The following CFAP54 variants were observed in gnomAD, a reference collection of about 807,000 sequenced individuals.
The protein encoded by CFAP54 is cilia- and flagella-associated protein 54.
A neutral mutation model predicts 370.4 loss-of-function variants in CFAP54; 290 were observed. The observed-to-expected ratio is 0.78, with a 90% CI of 0.71 to 0.86. CFAP54 has a LOEUF of 0.86. Ranked by LOEUF, CFAP54 falls within the 40% of genes least tolerant of loss-of-function variation. CFAP54 has a pLI of 0.00. For synonymous variants in CFAP54, 1,206 were observed against 1,236.5 expected (o/e 0.98, Z 0.52); for missense variants, 3,399 against 3,528.7 (o/e 0.96, Z 0.93).
intron 26 of CFAP54, among the ~76,000 whole-genome samples, chr12:96,613,360 A>G (rs553774496): frequency 1.3e-4 from 20 of 152,332 alleles, no homozygotes; most frequent in African/African-American, 4.8e-4. Flanking sequence ...TCTGGGACAC[A>G]TTTAAGGCAG....
At chr12:96,610,581 G>C (rs1232429790) in intron 26 of CFAP54, among the ~76,000 whole-genome samples, 4 of 152,196 alleles carry the variant, frequency 2.6e-5, no homozygotes, top group Admixed American at 2.6e-4. Context: ...AGCCGAAGCA[G>C]GGTGAGGCAT....
chr12:96,586,078 A>G (rs967873165), intron 22 of CFAP54, among the ~76,000 whole-genome samples: 4 of 152,094 alleles, frequency 2.6e-5, no homozygotes, highest in Non-Finnish European at 5.9e-5. Flanking sequence ...CACTCAACAC[A>G]TTATTTGAGT....
chr12:96,771,466 C>T (rs544567113), intron 60 of CFAP54, among the ~76,000 whole-genome samples: 6 of 152,198 alleles, frequency 3.9e-5, no homozygotes, highest in Non-Finnish European at 7.3e-5. Flanking sequence ...TCCTGGCTAA[C>T]ACGGTGAAAC....
At chr12:96,679,516 T>G (rs1299269211) in intron 39 of CFAP54, 84 bp from the exon 40 acceptor site, 21 of 1,413,384 alleles carry the variant, frequency 1.5e-5, no homozygotes, top group Non-Finnish European at 2.0e-5. Flanking sequence ...GACCAAGAAA[T>G]TCTCTGAATT....
Position 96,744,051 on chromosome 12 carries a change from G to T in CFAP54, c.7589G>T (p.Arg2530Leu), listed in dbSNP as rs138643514. 98 of 1,609,882 alleles carry T rather than the reference G, an allele frequency of 6.1e-5. No individual in the cohort carries two copies. The African/African-American group carries it at 8.8e-4, about 15-fold the overall frequency. The change falls in exon 55 of 68, where the codon CGT (arginine) becomes CTT (leucine). Residue 2530 changes from arginine (R) to leucine (L), a missense_variant. Arg to Leu is a moderately radical substitution (Grantham distance 102, BLOSUM62 -2). This residue lies in a region of CFAP54 where 2,796 missense variants were observed against 2,869.7 expected (regional missense o/e 0.97). Transcript: ENST00000524981. Reference protein sequence around the residue: ...MLAFGETIEFRSSNTKYANPL... With the variant: ...MLAFGETIEFLSSNTKYANPL... ...GCTTTTGGAGAAACAATTGAATTTC[G>T]TTCATCAAACACTAAATATGCAAAT...
At chr12:96,526,575 C>T (rs11612151) in intron 8 of CFAP54, among the ~76,000 whole-genome samples, 15,254 of 152,126 alleles carry the variant, frequency 0.1, 1,249 homozygotes, top group East Asian at 0.45. Context: ...TACAAAGCAC[C>T]CCTGAGTGAT....
In CFAP54 at chr12:96,784,729, T is replaced by C; in HGVS notation, c.8294T>C (p.Val2765Ala). Residue 2765 changes from valine (V) to alanine (A), a missense_variant, in exon 61 of 68, where the codon GTC becomes GCC. Transcript: ENST00000524981. ...TTTTCACTTTCAGACAACTACCAAG[T>C]CCTCTTCCAGACTTCCTGTACATTT... ...YTDYLLDNYQ[V>A]LFQTSCTFLY... The C allele has an allele frequency of 6.6e-7, 1 of 1,521,576 alleles. No homozygotes were observed. Among genetic ancestry groups the C allele is most frequent in the Non-Finnish European group, 8.8e-7 (1 of 1,141,044 alleles). 94.3% of individuals were successfully genotyped at this position (1,521,576 alleles called of 1,614,324 possible).
intron 63 of CFAP54, among the ~76,000 whole-genome samples, chr12:96,795,816 A>G (rs757498137): frequency 6.6e-6 from 1 of 152,034 alleles, no homozygotes; most frequent in Non-Finnish European, 1.5e-5. Flanking sequence ...AGGAAACTTT[A>G]TATTTGGTTG....
intron 28 of CFAP54, among the ~76,000 whole-genome samples, chr12:96,624,831 T>C (rs1049221337): frequency 2.6e-5 from 4 of 152,222 alleles, no homozygotes; most frequent in African/African-American, 7.2e-5. Context: ...GTTTCAAGCA[T>C]GGATTTATGA....
intron 32 of CFAP54, among the ~76,000 whole-genome samples, chr12:96,641,045 G>A (rs1379474438): frequency 6.6e-6 from 1 of 152,058 alleles, no homozygotes; most frequent in African/African-American, 2.4e-5. Flanking sequence ...AACACCAAAA[G>A]CAATGGCAAG....
intron 58 of CFAP54, among the ~76,000 whole-genome samples, chr12:96,762,921 G>A (rs915045563): frequency 1.3e-5 from 2 of 152,112 alleles, no homozygotes; most frequent in Non-Finnish European, 2.9e-5. Context: ...TTTGACATCA[G>A]CATTGTACAC....
At chr12:96,850,869 C>A (rs1959522150) in intron 66 of CFAP54, among the ~76,000 whole-genome samples, 1 of 152,224 alleles carries the variant, frequency 6.6e-6, no homozygotes, top group South Asian at 2.1e-4. Flanking sequence ...CCCTCGCTAT[C>A]AGGAGAACAG....
intron 22 of CFAP54, among the ~76,000 whole-genome samples, chr12:96,584,206 G>A (rs1956055641): frequency 6.6e-6 from 1 of 152,054 alleles, no homozygotes; most frequent in South Asian, 2.1e-4. Context: ...GCTCACGCCT[G>A]TAATCCCAGC....
chr12:96,535,402 G>GC (rs1305563565), intron 11 of CFAP54, 113 bp from the exon 12 acceptor site: 36 of 666,092 alleles, frequency 5.4e-5, no homozygotes, highest in Middle Eastern at 2.7e-4. Flanking sequence ...CATGATATTT[G>GC]CCCGCCTATC....
chr12:96,856,792 C>G (rs1405113302), intron 66 of CFAP54, among the ~76,000 whole-genome samples: 1 of 151,164 alleles, frequency 6.6e-6, no homozygotes, highest in Non-Finnish European at 1.5e-5. Context: ...GTCCCAACCT[C>G]TGCCTGTTAC....
At chr12:96,688,545 C>CTA (rs1957351715) in intron 42 of CFAP54, among the ~76,000 whole-genome samples, 1 of 152,146 alleles carries the variant, frequency 6.6e-6, no homozygotes, top group South Asian at 2.1e-4. Flanking sequence ...TATGATAAAA[C>CTA]ATTAAAGTTC....
intron 66 of CFAP54, among the ~76,000 whole-genome samples, chr12:96,840,236 C>T (rs1423713619): frequency 8.5e-5 from 13 of 152,178 alleles, no homozygotes; most frequent in East Asian, 7.7e-4. Flanking sequence ...TAGACCCACA[C>T]GGTAGAGGAT....
chr12:96,644,273 A>C lies in CFAP54; in HGVS notation c.4412A>C (p.His1471Pro), dbSNP rs757022653. 4 of 1,535,764 alleles carry C rather than the reference A, an allele frequency of 2.6e-6. No individual in the cohort carries two copies. Among genetic ancestry groups the C allele is most frequent in the Non-Finnish European group, 3.5e-6 (4 of 1,146,690 alleles). ...AGTTATGTTAAAAGAAAGAGGTTCCATCGTCTATCACTTGAAGAGATGCCC... is the reference window on the plus strand; with the variant it reads ...AGTTATGTTAAAAGAAAGAGGTTCCCTCGTCTATCACTTGAAGAGATGCCC... ...ILSYVKRKRF[H>P]RLSLEEMPWR... The change falls in exon 33 of 68, where the codon CAT (histidine) becomes CCT (proline). Residue 1471 changes from histidine to proline, a missense_variant. Coordinates refer to ENST00000524981, the MANE Select transcript of CFAP54 (RefSeq NM_001306084.2).
intron 30 of CFAP54, 56 bp downstream of exon 30, chr12:96,626,995 T>G (rs1956556030): frequency 1.7e-6 from 2 of 1,196,700 alleles, no homozygotes. Flanking sequence ...TGAATATCAT[T>G]GTCAGTTTTA....
Sources: gnomAD v4.1 joint callset for allele counts (sites outside exome capture counted in the v4.1 genomes callset) on GRCh38, gnomAD v4.1.1 for gene constraint, gnomAD v4.1.1 regional missense constraint, MANE v1.5 for transcripts, NCBI Gene and HGNC (gene_info 2026-07-23, HGNC 2026-07-21) for gene names.